PRKAB2: variants seen among roughly 807,000 people sequenced by gnomAD.
The protein encoded by PRKAB2 is 5'-AMP-activated protein kinase subunit beta-2.
PRKAB2 carries 18 observed loss-of-function variants against 29.8 expected under a neutral mutation model. That is an observed-to-expected ratio of 0.60 (90% CI 0.42 to 0.89). The LOEUF is 0.89. Among genes scored for constraint, PRKAB2 ranks in the 40% least tolerant of loss-of-function variants. The pLI, the probability that PRKAB2 is intolerant of heterozygous loss-of-function variation, is 0.00. For missense variants in PRKAB2, 270 were observed against 344.3 expected, an observed-to-expected ratio of 0.78 and a Z score of 1.71; for synonymous variants, 136 against 125.9, an observed-to-expected ratio of 1.08 and a Z score of -0.54.
At chr1:147,170,867 C>G (rs1333027596) in intron 2 of PRKAB2, among the ~76,000 whole-genome samples, 1 of 152,214 alleles carries the variant, frequency 6.6e-6, no homozygotes, top group Admixed American at 6.5e-5. Context: ...CAGGCGTGAG[C>G]CTCTGCGCCA....
Position 147,166,634 on chromosome 1 carries a change from G to A in PRKAB2, c.418-16C>T. On this transcript the variant is annotated splice_polypyrimidine_tract_variant and intron_variant, in intron 4 of 7. Transcript: ENST00000254101. ...TAACCACAGGCTGAAACAGTGAATA[G>A]AAAAAATTATTGAATCTCTCTTTCA... 1.2e-6 allele frequency: 2 copies of A among 1,605,528 alleles called. No homozygotes were observed. Among genetic ancestry groups the A allele is most frequent in the Admixed American group, 1.7e-5 (1 of 57,334 alleles).
intron 6 of PRKAB2, 52 bp from the exon 7 acceptor site, chr1:147,161,832 C>A: frequency 7.1e-7 from 1 of 1,412,156 alleles, no homozygotes; most frequent in South Asian, 1.3e-5. Flanking sequence ...GAAATTAATG[C>A]ACAGACAAAC....
chr1:147,164,791 GGA>G (rs1553913479), intron 5 of PRKAB2, among the ~76,000 whole-genome samples: 2 of 152,126 alleles, frequency 1.3e-5, no homozygotes, highest in African/African-American at 4.8e-5. Flanking sequence ...TGGGAAATTA[GGA>G]GAAAGGGAAA....
intron 3 of PRKAB2, 28 bp downstream of exon 3, chr1:147,167,739 C>G: frequency 6.2e-7 from 1 of 1,603,006 alleles, no homozygotes; most frequent in South Asian, 1.1e-5. Context: ...ATTCCTGGAC[C>G]CTTAGATTCA....
intron 6 of PRKAB2, 78 bp downstream of exon 6, chr1:147,162,362 A>AG: frequency 5.7e-6 from 8 of 1,406,240 alleles, no homozygotes; most frequent in South Asian, 1.4e-5. Context: ...TAGTAATCCT[A>AG]ACCTCTAGGA....
chr1:147,161,829 A>G (rs1553913110), intron 6 of PRKAB2, 49 bp from the exon 7 acceptor site: 2 of 1,444,290 alleles, frequency 1.4e-6, no homozygotes, highest in Non-Finnish European at 1.9e-6. Context: ...AATGAAATTA[A>G]TGCACAGACA....
Position 147,166,894 on chromosome 1 carries a change from G to T in PRKAB2, c.369C>A (p.His123Gln). ...GTCCATCCACAAAGAACTTGTATTG[G>T]TGCTCTCCCTCAGGGAGGTCCAGGA... ...VAILDLPEGE[H>Q]QYKFFVDGQW... The change falls in exon 4 of 8, where the codon CAC (histidine) becomes CAA (glutamine). Residue 123 changes from histidine (H) to glutamine (Q), a missense_variant. Transcript: ENST00000254101. 1 of 1,614,090 alleles carries T rather than the reference G, an allele frequency of 6.2e-7. No homozygotes were observed. The highest frequency in any genetic ancestry group is 8.5e-7 in the Non-Finnish European group (1 of 1,179,992).
At position 147,172,040 on chromosome 1, in the gene PRKAB2, G is replaced by GA; in HGVS notation, c.104dup (p.Met36HisfsTer15). The GA allele has an allele frequency of 6.3e-7, 1 of 1,592,726 alleles. No individual in the cohort carries two copies. Among genetic ancestry groups the GA allele is most frequent in the Non-Finnish European group, 8.5e-7 (1 of 1,170,398 alleles). ...TGGGGTCGTCCGTACTCCCCACCAT[G>GA]ATCTTGTGCTCCTTCCCCGGGGCAT... On this transcript the variant is annotated frameshift_variant, in exon 2 of 8. Transcript: ENST00000254101. LOFTEE classifies it high-confidence loss of function.
chr1:147,159,844 A>G (rs782403216), intron 7 of PRKAB2, among the ~76,000 whole-genome samples: 2 of 152,120 alleles, frequency 1.3e-5, no homozygotes, highest in South Asian at 4.1e-4. Flanking sequence ...AGTGTGTCCA[A>G]GTCTTTTTAT....
intron 5 of PRKAB2, among the ~76,000 whole-genome samples, chr1:147,164,586 G>A (rs6593739): frequency 0.48 from 72,354 of 152,014 alleles, 18,375 homozygotes; most frequent in East Asian, 0.86. Flanking sequence ...TTGTTATTTC[G>A]TCACATGATC....
In PRKAB2 at chr1:147,167,007, G is replaced by A. The variant is rs1654283760; in HGVS notation, c.324-68C>T. The stretch of plus-strand genomic sequence containing the variant: ...AGAAGACTGAATCTAAAAAACAAGT[G>A]GCAATCATAGTATCATATGAATAAT... On this transcript the variant is annotated intron_variant, in intron 3 of 7. Transcript: ENST00000254101. 4 of 1,275,710 alleles carry A rather than the reference G, an allele frequency of 3.1e-6. No homozygotes were observed. In the Admixed American group the frequency reaches 5.5e-5, roughly 18 times the overall value. 79.0% of individuals were successfully genotyped at this position (1,275,710 alleles called of 1,614,324 possible).
intron 2 of PRKAB2, among the ~76,000 whole-genome samples, chr1:147,171,652 C>G (rs1208441353): frequency 5.9e-5 from 9 of 152,138 alleles, no homozygotes; most frequent in African/African-American, 2.2e-4. Flanking sequence ...AAGTTGTCCA[C>G]CAGGGATTAC....
At chr1:147,166,024 A>T (rs4950380) in intron 5 of PRKAB2, among the ~76,000 whole-genome samples, 87,872 of 152,016 alleles carry the variant, frequency 0.58, 28,203 homozygotes, top group East Asian at 0.86. Flanking sequence ...TTGGTTTTTT[A>T]AACCATTTTT....
rs587653857 is a variant in PRKAB2 at position 147,156,599 on chromosome 1, T to C, written c.*2966A>G. On this transcript the variant is annotated 3_prime_UTR_variant, in exon 8 of 8. Coordinates refer to ENST00000254101, the MANE Select transcript of PRKAB2 (RefSeq NM_005399.5). ...AACACTATTGAGGTTAGGTATGCCC[T>C]TCAGGGGTGTTGCCTAGAATGGTTA... 6.6e-6 allele frequency: 1 copy of C among 152,250 alleles called. No individual in the cohort carries two copies. Among genetic ancestry groups the C allele is most frequent in the African/African-American group, 2.4e-5 (1 of 41,566 alleles). 9.4% of individuals were successfully genotyped at this position (152,250 alleles called of 1,614,324 possible). A position where few individuals can be genotyped will look rare whatever the true frequency, so the allele number is the denominator to read the frequency against.
At chr1:147,172,311 C>A in intron 1 of PRKAB2, 118 bp downstream of exon 1, 1 of 949,820 alleles carries the variant, frequency 1.1e-6, no homozygotes, top group Non-Finnish European at 1.5e-6. Flanking sequence ...CCCTCCTGGC[C>A]TGCGGGAACG....
chr1:147,161,602 T>C, intron 7 of PRKAB2, 110 bp downstream of exon 7: 1 of 916,292 alleles, frequency 1.1e-6, no homozygotes, highest in Non-Finnish European at 1.7e-6. Flanking sequence ...TGATCATTAC[T>C]GCCAGCTTCA....
At chr1:147,161,061 T>A (rs1383093448) in intron 7 of PRKAB2, among the ~76,000 whole-genome samples, 1 of 152,092 alleles carries the variant, frequency 6.6e-6, no homozygotes, top group African/African-American at 2.4e-5. Context: ...ATTTTTACAA[T>A]CTTCTCCAGG....
chr1:147,167,899 T>C lies in PRKAB2; in HGVS notation c.191A>G (p.Gln64Arg), dbSNP rs1553913884. ...PGDKEFVSWQ[Q>R]DLEDSVKPTQ... ...GGGCTTTACGGAGTCCTCCAAATCC[T>C]GCTGCCATGATACAAACTCTTTGTC... The change falls in exon 3 of 8, where the codon CAG becomes CGG. Residue 64 changes from glutamine to arginine, a missense_variant. Around this residue, in one of 2 missense-constraint regions of PRKAB2, gnomAD observed 228 missense variants for 255.5 expected, o/e 0.89. Coordinates refer to ENST00000254101, the MANE Select transcript of PRKAB2 (RefSeq NM_005399.5). 1 of 1,613,850 alleles carries C rather than the reference T, an allele frequency of 6.2e-7. No individual in the cohort carries two copies. Among genetic ancestry groups the C allele is most frequent in the Non-Finnish European group, 8.5e-7 (1 of 1,179,884 alleles).
In PRKAB2 at chr1:147,166,865, C is replaced by T; in HGVS notation, c.398G>A (p.Trp133Ter). The T allele has an allele frequency of 6.2e-7, 1 of 1,613,968 alleles. No homozygotes were observed. The highest frequency in any genetic ancestry group is 8.5e-7 in the Non-Finnish European group (1 of 1,179,852). Residue 133 changes from tryptophan to a stop codon, truncating the protein, a stop_gained, in exon 4 of 8, where the codon TGG (tryptophan) becomes TAG (stop). Transcript: ENST00000254101. LOFTEE classifies it high-confidence loss of function. ...HQYKFFVDGQ[W>*]VHDPSEPVVT... ...CCTTACCTCTGATGGATCATGAACCCACTGTCCATCCACAAAGAACTTGTA... is the reference window on the plus strand; with the variant it reads ...CCTTACCTCTGATGGATCATGAACCTACTGTCCATCCACAAAGAACTTGTA...
Sources: allele counts gnomAD v4.1 joint callset (sites outside exome capture counted in the v4.1 genomes callset), GRCh38; gene constraint gnomAD v4.1.1; regional missense constraint gnomAD v4.1.1; transcripts MANE v1.5; gene names NCBI Gene and HGNC (gene_info 2026-07-23, HGNC 2026-07-21).